Variants in FAM117B observed in about 807,000 individuals in gnomAD.
FAM117B encodes the protein family with sequence similarity 117 member B, also known as protein FAM117B.
A neutral mutation model predicts 52.8 loss-of-function variants in FAM117B; 22 were observed. The observed-to-expected ratio is 0.42, with a 90% CI of 0.30 to 0.59. FAM117B has a LOEUF of 0.59. FAM117B is among the 20% of genes least tolerant of loss of function. The pLI is 0.22. For missense variants in FAM117B, 678 were observed against 802.6 expected, an observed-to-expected ratio of 0.84 and a Z score of 1.88; for synonymous variants, 309 against 324.1, an observed-to-expected ratio of 0.95 and a Z score of 0.50.
At chr2:202,683,344 C>A (rs1306012430) in intron 1 of FAM117B, among the ~76,000 whole-genome samples, 1 of 151,544 alleles carries the variant, frequency 6.6e-6, no homozygotes, top group Non-Finnish European at 1.5e-5. Context: ...AACAAAAAAC[C>A]AAAACAAAAC....
At chr2:202,662,769 G>A (rs1471836545) in intron 1 of FAM117B, among the ~76,000 whole-genome samples, 2 of 151,996 alleles carry the variant, frequency 1.3e-5, no homozygotes, top group Admixed American at 6.6e-5. Context: ...GCTTGAACCC[G>A]GGAGGCGTAG....
intron 1 of FAM117B, among the ~76,000 whole-genome samples, chr2:202,653,635 A>C (rs1689988609): frequency 6.6e-6 from 1 of 152,154 alleles, no homozygotes; most frequent in African/African-American, 2.4e-5. Flanking sequence ...CTTGTCTTTT[A>C]ATCAATTTCC....
At chr2:202,739,443 T>G (rs1433895039) in intron 4 of FAM117B, among the ~76,000 whole-genome samples, 1 of 81,436 alleles carries the variant, frequency 1.2e-5, no homozygotes. Context: ...TTCCCTCCCC[T>G]CCCCTCCCCT....
At chr2:202,636,254 G>A (rs892739897) in intron 1 of FAM117B, among the ~76,000 whole-genome samples, 8 of 152,196 alleles carry the variant, frequency 5.3e-5, no homozygotes, top group Non-Finnish European at 5.9e-5. Context: ...CAGATCTGGG[G>A]TACTGAATGC....
At chr2:202,747,306 C>T (rs573001125) in intron 4 of FAM117B, among the ~76,000 whole-genome samples, 37 of 152,210 alleles carry the variant, frequency 2.4e-4, no homozygotes, top group Non-Finnish European at 4.4e-4. Context: ...AGGTGACAAA[C>T]CCACAGCTAA....
At position 202,766,586 on chromosome 2, in the gene FAM117B, G is replaced by C. The variant is rs993568382; in HGVS notation, c.*822G>C. 6.6e-6 allele frequency: 1 copy of C among 152,560 alleles called. No homozygotes were observed. Among genetic ancestry groups the C allele is most frequent in the African/African-American group, 2.4e-5 (1 of 41,418 alleles). The allele number at this position is 152,560 out of a possible 1,614,324, so 9.5% of individuals were successfully genotyped here. ...AGTCTGAAGACAAGTGCTTTAATAT[G>C]TTCTCACCCATATTGGAACTTGATT... On this transcript the variant is annotated 3_prime_UTR_variant, in exon 8 of 8. Transcript: ENST00000392238.
intron 4 of FAM117B, among the ~76,000 whole-genome samples, chr2:202,751,588 C>A (rs548718089): frequency 6.6e-6 from 1 of 151,848 alleles, no homozygotes; most frequent in Admixed American, 6.6e-5. Context: ...GCCAACGTTG[C>A]GAAACCTCAT....
intron 4 of FAM117B, among the ~76,000 whole-genome samples, chr2:202,735,788 GT>G (rs538584302): frequency 1.3e-4 from 19 of 151,994 alleles, no homozygotes; most frequent in African/African-American, 2.9e-4. Flanking sequence ...CAGTAGTTAT[GT>G]TTTTTTTATT....
intron 2 of FAM117B, among the ~76,000 whole-genome samples, chr2:202,705,774 T>C (rs1193013201): frequency 1.3e-5 from 2 of 152,214 alleles, no homozygotes; most frequent in Non-Finnish European, 2.9e-5. Context: ...ATCTATTAAT[T>C]TGGTTTAAAC....
chr2:202,672,900 C>T (rs1690320148), intron 1 of FAM117B, among the ~76,000 whole-genome samples: 1 of 151,670 alleles, frequency 6.6e-6, no homozygotes, highest in Non-Finnish European at 1.5e-5. Context: ...ATTAGCCAGG[C>T]GAGCTGACAT....
At chr2:202,732,069 A>G (rs1307238141) in intron 4 of FAM117B, among the ~76,000 whole-genome samples, 2 of 109,116 alleles carry the variant, frequency 1.8e-5, no homozygotes, top group African/African-American at 7.2e-5. Flanking sequence ...TTTTGTATTT[A>G]TAGTAGAGAT....
chr2:202,635,888 C>G (rs1689677711), intron 1 of FAM117B, 100 bp downstream of exon 1: 11 of 1,223,620 alleles, frequency 9.0e-6, no homozygotes, highest in Non-Finnish European at 1.1e-5. Context: ...GCCGCGGAGC[C>G]CGGGTGGCTG....
intron 4 of FAM117B, among the ~76,000 whole-genome samples, chr2:202,753,473 A>T (rs911146268): frequency 4.6e-5 from 7 of 152,216 alleles, no homozygotes; most frequent in Non-Finnish European, 1.5e-5. Flanking sequence ...TCATGACAAA[A>T]ACACCAAAAG....
intron 1 of FAM117B, among the ~76,000 whole-genome samples, chr2:202,643,791 C>T (rs1160844802): frequency 6.6e-6 from 1 of 152,040 alleles, no homozygotes; most frequent in East Asian, 1.9e-4. Flanking sequence ...CTCACTGCAA[C>T]CTCTGCCTCT....
intron 4 of FAM117B, among the ~76,000 whole-genome samples, chr2:202,728,648 A>G (rs2105788491): frequency 6.6e-6 from 1 of 152,290 alleles, no homozygotes; most frequent in African/African-American, 2.4e-5. Flanking sequence ...CTCCAAGTAG[A>G]ATAGGGATTA....
chr2:202,683,957 C>T (rs1297476440), intron 1 of FAM117B, among the ~76,000 whole-genome samples: 6 of 151,982 alleles, frequency 3.9e-5, no homozygotes, highest in Admixed American at 6.6e-5. Context: ...TCCTTGACCT[C>T]CTGGGCTCAA....
chr2:202,673,994 C>A (rs188185863), intron 1 of FAM117B, among the ~76,000 whole-genome samples: 84 of 152,190 alleles, frequency 5.5e-4, no homozygotes, highest in Non-Finnish European at 2.2e-4. Context: ...ACTTCTCTTT[C>A]TTTTCAGGTA....
At chr2:202,649,848 C>T (rs977994941) in intron 1 of FAM117B, among the ~76,000 whole-genome samples, 7 of 151,632 alleles carry the variant, frequency 4.6e-5, no homozygotes, top group Non-Finnish European at 8.8e-5. Flanking sequence ...CCACCGTGCT[C>T]GGCTTATTTA....
At chr2:202,724,862 A>T in intron 2 of FAM117B, 55 bp from the exon 3 acceptor site, 1 of 1,278,810 alleles carries the variant, frequency 7.8e-7, no homozygotes, top group Non-Finnish European at 1.1e-6. Context: ...AATATGGTAG[A>T]CATTGTTGTG....
Sources: allele counts gnomAD v4.1 joint callset (sites outside exome capture counted in the v4.1 genomes callset), GRCh38; gene constraint gnomAD v4.1.1; transcripts MANE v1.5; gene names NCBI Gene and HGNC (gene_info 2026-07-23, HGNC 2026-07-21).